Variants in KLHL34 observed in about 807,000 individuals in gnomAD.
The protein encoded by KLHL34 is kelch-like protein 34.
A neutral mutation model predicts 23.8 loss-of-function variants in KLHL34; 24 were observed. The ratio of observed to expected loss-of-function variants is 1.01; its 90% CI spans 0.73 to 1.42. KLHL34 has a LOEUF of 1.42. KLHL34 is among the 40% of genes most tolerant of loss of function. KLHL34 has a pLI of 0.00. For missense variants in KLHL34, 652 were observed against 595.1 expected (o/e 1.10, Z -0.99); for synonymous variants, 303 against 287.9 (o/e 1.05, Z -0.53).
Position 21,656,173 on chromosome X carries a change from G to C in KLHL34, c.1616C>G (p.Ser539Cys). ...GCCGGGGTCGTAGCGCTCGATCTCA[G>C]AGAAGGGCTCGTATCGCCCCAGAAA... ...FAFLGRYEPF[S>C]EIERYDPGAD... The change falls in exon 1 of 1, where the codon TCT (serine) becomes TGT (cysteine). Residue 539 changes from serine to cysteine, a missense_variant. Transcript: ENST00000379499. 2.5e-6 allele frequency: 3 copies of C among 1,176,739 alleles called. No individual in the cohort carries two copies. Among genetic ancestry groups the C allele is most frequent in the Non-Finnish European group, 3.4e-6 (3 of 877,197 alleles).
In KLHL34 at chrX:21,657,832, T is replaced by A; in HGVS notation, c.-44A>T. 2 of 1,152,200 alleles carry A rather than the reference T, an allele frequency of 1.7e-6. No homozygotes were observed. The highest frequency in any genetic ancestry group is 2.3e-6 in the Non-Finnish European group (2 of 865,513). 95.0% of individuals were successfully genotyped at this position (1,152,200 alleles called of 1,213,427 possible). A position where few individuals can be genotyped will look rare whatever the true frequency, so the allele number is the denominator to read the frequency against. On this transcript the variant is annotated 5_prime_UTR_variant, in exon 1 of 1. Transcript: ENST00000379499. The stretch of plus-strand genomic sequence containing the variant: ...CAGCCTGGTGGGACCAGAGGCCTGC[T>A]GGGCAGGGCCGGAGGCATCCCGGGG...
rs1442252824 is a variant in KLHL34 at position 21,656,434 on chromosome X, C to T, written c.1355G>A (p.Arg452His). ...SVEMYDLRRD[R>H]WTAAGALPRA... ...CGGTAGTGCCCCAGCCGCCGTCCAGCGGTCCCGACGCAGGTCGTACATCTC... is the reference window on the plus strand; with the variant it reads ...CGGTAGTGCCCCAGCCGCCGTCCAGTGGTCCCGACGCAGGTCGTACATCTC... The change falls in exon 1 of 1, where the codon CGC becomes CAC. Residue 452 changes from arginine to histidine, a missense_variant. By Grantham distance (29) the Arg-to-His change is conservative. Coordinates refer to ENST00000379499, the MANE Select transcript of KLHL34 (RefSeq NM_153270.3). 2 of 1,191,727 alleles carry T rather than the reference C, an allele frequency of 1.7e-6. No homozygotes were observed. The highest frequency in any genetic ancestry group is 2.3e-6 in the Non-Finnish European group (2 of 887,533).
Position 21,654,948 on chromosome X carries a change from G to C in KLHL34, c.*906C>G, listed in dbSNP as rs2092729470. 1 of 111,574 alleles carries C rather than the reference G, an allele frequency of 9.0e-6. No homozygotes were observed. Among genetic ancestry groups the C allele is most frequent in the African/African-American group, 3.3e-5 (1 of 30,660 alleles). 9.2% of individuals were successfully genotyped at this position (111,574 alleles called of 1,213,427 possible). A position where few individuals can be genotyped will look rare whatever the true frequency, so the allele number is the denominator to read the frequency against. ...TCTTTCCTTTCTCTGTGATTCTTTT[G>C]GGGGAAGTGGGGGTAACCACCAAAA... On this transcript the variant is annotated 3_prime_UTR_variant, in exon 1 of 1. Transcript: ENST00000379499.
Position 21,656,801 on chromosome X carries a change from ACTCCTC to A in KLHL34, c.982_987del (p.Glu328_Glu329del), listed in dbSNP as rs764929337. ...GCCACCACGTTCTGGGTGAGCTCCC[ACTCCTC>A]CTCCTCCTCCTCTTCCTCCAACTCT... On this transcript the variant is annotated inframe_deletion, in exon 1 of 1. Coordinates refer to ENST00000379499, the MANE Select transcript of KLHL34 (RefSeq NM_153270.3). 1.7e-6 allele frequency: 2 copies of A among 1,184,541 alleles called. No individual in the cohort carries two copies. The highest frequency in any genetic ancestry group is 3.0e-5 in the East Asian group (1 of 33,025).
chrX:21,656,665 C>T lies in KLHL34; in HGVS notation c.1124G>A (p.Ser375Asn), dbSNP rs772566093. 7 of 1,209,848 alleles carry T rather than the reference C, an allele frequency of 5.8e-6. No homozygotes were observed. The highest frequency in any genetic ancestry group is 7.8e-6 in the Non-Finnish European group (7 of 895,149). The change falls in exon 1 of 1, where the codon AGC becomes AAC. Residue 375 changes from serine (S) to asparagine (N), a missense_variant. By Grantham distance (46) the Ser-to-Asn change is conservative. Coordinates refer to ENST00000379499, the MANE Select transcript of KLHL34 (RefSeq NM_153270.3). The stretch of plus-strand genomic sequence containing the variant: ...GGGAGAGGATGCACTGCCGGAAGGG[C>T]TCTCCCCACCCAGGACAAACAGGAA... Reference protein sequence around the residue: ...GNFLFVLGGESPSGSASSPLA... With the variant: ...GNFLFVLGGENPSGSASSPLA...
chrX:21,655,764 C>G lies in KLHL34; in HGVS notation c.*90G>C. ...CAGAAGCCACTCTGCTCCCAGAATCCCTTTCTTAGAAAAAGCCCATCCGTT... is the reference window on the plus strand; with the variant it reads ...CAGAAGCCACTCTGCTCCCAGAATCGCTTTCTTAGAAAAAGCCCATCCGTT... On this transcript the variant is annotated 3_prime_UTR_variant, in exon 1 of 1. Coordinates refer to ENST00000379499, the MANE Select transcript of KLHL34 (RefSeq NM_153270.3). 9.3e-7 allele frequency: 1 copy of G among 1,079,018 alleles called. No individual in the cohort carries two copies. The highest frequency in any genetic ancestry group is 1.2e-6 in the Non-Finnish European group (1 of 830,274). 88.9% of individuals were successfully genotyped at this position (1,079,018 alleles called of 1,213,427 possible).
At position 21,658,001 on chromosome X, in the gene KLHL34, C is replaced by A; in HGVS notation, c.-213G>T. The A allele has an allele frequency of 2.0e-6, 1 of 508,460 alleles. No individual in the cohort carries two copies. The highest frequency in any genetic ancestry group is 3.0e-6 in the Non-Finnish European group (1 of 334,440). The allele number at this position is 508,460 out of a possible 1,213,427, so 41.9% of individuals were successfully genotyped here. A position where few individuals can be genotyped will look rare whatever the true frequency, so the allele number is the denominator to read the frequency against. On this transcript the variant is annotated 5_prime_UTR_variant, in exon 1 of 1. Transcript: ENST00000379499. ...TCTCAGAGCAAATCCAGTCTGGAAACGGTTTTCGGAGGCCCCTAGTAACGG... is the reference window on the plus strand; with the variant it reads ...TCTCAGAGCAAATCCAGTCTGGAAAAGGTTTTCGGAGGCCCCTAGTAACGG...
chrX:21,657,517 C>T lies in KLHL34; in HGVS notation c.272G>A (p.Trp91Ter). 8.3e-7 allele frequency: 1 copy of T among 1,211,602 alleles called. No homozygotes were observed. Among genetic ancestry groups the T allele is most frequent in the Non-Finnish European group, 1.1e-6 (1 of 895,457 alleles). Residue 91 changes from tryptophan (W) to a stop codon, truncating the protein, a stop_gained, in exon 1 of 1, where the codon TGG becomes TAG. Transcript: ENST00000379499. LOFTEE classifies it high-confidence loss of function. ...TACAGTGTCCATGGAAAGCGACAGC[C>T]AGGCAGTGTAGATGAAGTCCAGCAG... ...QRLLDFIYTA[W>*]LSLSMDTVED...
Position 21,657,406 on chromosome X carries a change from G to A in KLHL34, c.383C>T (p.Pro128Leu), listed in dbSNP as rs746678164. 8.5e-7 allele frequency: 1 copy of A among 1,182,044 alleles called. No homozygotes were observed. Among genetic ancestry groups the A allele is most frequent in the Non-Finnish European group, 1.1e-6 (1 of 881,020 alleles). Residue 128 changes from proline to leucine, a missense_variant, in exon 1 of 1, where the codon CCA (proline) becomes CTA (leucine). Coordinates refer to ENST00000379499, the MANE Select transcript of KLHL34 (RefSeq NM_153270.3). ...CGRYLERQLA[P>L]ENCCFAANVA... ...GTTGGCGGCGAAGCAGCAGTTCTCT[G>A]GAGCCAGCTGGCGCTCCAAGTAGCG... is the stretch of plus-strand genomic sequence containing the variant.
Position 21,655,729 on chromosome X carries a change from T to G in KLHL34, c.*125A>C. 14 of 1,046,453 alleles carry G rather than the reference T, an allele frequency of 1.3e-5. No homozygotes were observed. Among genetic ancestry groups the G allele is most frequent in the Non-Finnish European group, 1.7e-5 (14 of 808,513 alleles). 86.2% of individuals were successfully genotyped at this position (1,046,453 alleles called of 1,213,427 possible). On this transcript the variant is annotated 3_prime_UTR_variant, in exon 1 of 1. Transcript: ENST00000379499. ...CTCTTTGCTCAAGGCCTTGTTTGCC[T>G]GTTAACCTTCAGAAGCCACTCTGCT...
chrX:21,656,123 G>A lies in KLHL34; in HGVS notation c.1666C>T (p.Pro556Ser). 8.5e-7 allele frequency: 1 copy of A among 1,177,647 alleles called. No individual in the cohort carries two copies. The highest frequency in any genetic ancestry group is 1.1e-6 in the Non-Finnish European group (1 of 877,188). ...TAGCAGAAGCGGTCGTAGGGCAGCG[G>A]CCGCAACCGAGTCCACTGGTCGGCG... Reference protein sequence around the residue: ...PGADQWTRLRPLPYDRFCYGL... With the variant: ...PGADQWTRLRSLPYDRFCYGL... Residue 556 changes from proline to serine, a missense_variant, in exon 1 of 1, where the codon CCG becomes TCG. Pro to Ser is a moderately conservative substitution (Grantham distance 74). Transcript: ENST00000379499.
Position 21,657,410 on chromosome X carries a change from C to A in KLHL34, c.379G>T (p.Ala127Ser). 8.5e-7 allele frequency: 1 copy of A among 1,183,003 alleles called. No homozygotes were observed. Among genetic ancestry groups the A allele is most frequent in the East Asian group, 3.0e-5 (1 of 33,069 alleles). The stretch of plus-strand genomic sequence containing the variant: ...GCGGCGAAGCAGCAGTTCTCTGGAG[C>A]CAGCTGGCGCTCCAAGTAGCGCCCA... Reference protein sequence around the residue: ...LCGRYLERQLAPENCCFAANV... With the variant: ...LCGRYLERQLSPENCCFAANV... The change falls in exon 1 of 1, where the codon GCT becomes TCT. Residue 127 changes from alanine to serine, a missense_variant. Physicochemically the swap from Ala to Ser is moderately conservative, Grantham distance 99. Transcript: ENST00000379499.
Position 21,655,965 on chromosome X carries a change from C to G in KLHL34, c.1824G>C (p.Ala608=), listed in dbSNP as rs2092731374. The G allele has an allele frequency of 1.3e-5, 16 of 1,211,293 alleles. No individual in the cohort carries two copies. Among genetic ancestry groups the G allele is most frequent in the Non-Finnish European group, 1.7e-5 (15 of 895,336 alleles). ...DLDRWEDIGC[A]LPWAWSGLRC... ...GCAGGCCGCTCCAGGCCCAGGGCAA[C>G]GCGCAGCCGATGTCCTCCCAACGGT... The change falls in exon 1 of 1, where the codon GCG becomes GCC. Residue 608 remains alanine, a synonymous_variant. Coordinates refer to ENST00000379499, the MANE Select transcript of KLHL34 (RefSeq NM_153270.3).
In KLHL34 at chrX:21,655,935, G is replaced by T. The variant is rs1602080679; in HGVS notation, c.1854C>A (p.Cys618Ter). The T allele has an allele frequency of 8.3e-7, 1 of 1,210,377 alleles. No individual in the cohort carries two copies. The highest frequency in any genetic ancestry group is 1.1e-6 in the Non-Finnish European group (1 of 894,984). ...CACCCTCGGCCAGCTGCAGCACTGC[G>T]CACCGCAGGCCGCTCCAGGCCCAGG... ...ALPWAWSGLRCAVLQLAEGGD... is the reference protein window; with the variant it reads ...ALPWAWSGLR Residue 618 changes from cysteine to a stop codon, truncating the protein, a stop_gained, in exon 1 of 1, where the codon TGC (cysteine) becomes TGA (stop). Transcript: ENST00000379499. LOFTEE classifies it low-confidence loss of function (END_TRUNC).
At position 21,656,529 on chromosome X, in the gene KLHL34, G is replaced by A. The variant is rs769901390; in HGVS notation, c.1260C>T (p.Cys420=). The change falls in exon 1 of 1, where the codon TGC becomes TGT. Residue 420 remains cysteine, a synonymous_variant. Coordinates refer to ENST00000379499, the MANE Select transcript of KLHL34 (RefSeq NM_153270.3). ...AMREARAHFW[C]GAVGERLLAV... The stretch of plus-strand genomic sequence containing the variant: ...CCAGGAGCCTCTCGCCCACCGCGCC[G>A]CACCAGAAGTGGGCCCGCGCTTCCC... 8.3e-7 allele frequency: 1 copy of A among 1,197,890 alleles called. No individual in the cohort carries two copies. The highest frequency in any genetic ancestry group is 1.8e-5 in the South Asian group (1 of 55,375).
chrX:21,657,972 C>A lies in KLHL34; in HGVS notation c.-184G>T. The A allele has an allele frequency of 1.5e-6, 1 of 667,144 alleles. No homozygotes were observed. Among genetic ancestry groups the A allele is most frequent in the Middle Eastern group, 5.3e-4 (1 of 1,891 alleles). The allele number at this position is 667,144 out of a possible 1,213,427, so 55.0% of individuals were successfully genotyped here. A position where few individuals can be genotyped will look rare whatever the true frequency, so the allele number is the denominator to read the frequency against. On this transcript the variant is annotated 5_prime_UTR_variant, in exon 1 of 1. Coordinates refer to ENST00000379499, the MANE Select transcript of KLHL34 (RefSeq NM_153270.3). ...ATCCAGACCTGCAGATCGCCCAGTG[C>A]CCCTCTCAGAGCAAATCCAGTCTGG... is the stretch of plus-strand genomic sequence containing the variant.
Position 21,656,070 on chromosome X carries a change from C to T in KLHL34, c.1719G>A (p.Ala573=), listed in dbSNP as rs1054417495. 1 of 1,195,764 alleles carries T rather than the reference C, an allele frequency of 8.4e-7. No homozygotes were observed. The change falls in exon 1 of 1, where the codon GCG becomes GCA. Residue 573 remains alanine, a synonymous_variant. Transcript: ENST00000379499. ...GCCACTTGAGGCCGCCCAGCAGCAA[C>T]GCTGTCTCCTCGACCACGGCCAGCC... ...CYGLAVVEET[A]LLLGGLKWRD...
chrX:21,657,201 T>G lies in KLHL34; in HGVS notation c.588A>C (p.Leu196=), dbSNP rs756677399. The change falls in exon 1 of 1, where the codon CTA becomes CTC. Residue 196 remains leucine (L), a synonymous_variant. Transcript: ENST00000379499. ...PDVARVPEAR[L]LGLALAWLRQ... ...GCAACCAAGCTAACGCCAGGCCCAGTAGCCGGGCCTCGGGCACCCGCGCCA... is the reference window on the plus strand; with the variant it reads ...GCAACCAAGCTAACGCCAGGCCCAGGAGCCGGGCCTCGGGCACCCGCGCCA... The G allele has an allele frequency of 2.3e-5, 28 of 1,199,788 alleles. No individual in the cohort carries two copies. Among genetic ancestry groups the G allele is most frequent in the Non-Finnish European group, 3.1e-5 (28 of 890,686 alleles).
Position 21,656,406 on chromosome X carries a change from C to A in KLHL34, c.1383G>T (p.Arg461=). 1 of 1,195,119 alleles carries A rather than the reference C, an allele frequency of 8.4e-7. No homozygotes were observed. The highest frequency in any genetic ancestry group is 1.1e-6 in the Non-Finnish European group (1 of 888,243). ...DRWTAAGALP[R]ALHGHAGAVG... Reference sequence around the variant, plus strand: ...CGGCCCCCGCGTGACCGTGCAGAGCCCGCGGTAGTGCCCCAGCCGCCGTCC... The same window carrying A: ...CGGCCCCCGCGTGACCGTGCAGAGCACGCGGTAGTGCCCCAGCCGCCGTCC... The change falls in exon 1 of 1, where the codon CGG becomes CGT. Residue 461 remains arginine, a synonymous_variant. Transcript: ENST00000379499.
Sources: gnomAD v4.1 joint callset for allele counts on GRCh38, gnomAD v4.1.1 for gene constraint, MANE v1.5 for transcripts, NCBI Gene and HGNC (gene_info 2026-07-23, HGNC 2026-07-21) for gene names.